SRBD1: variants seen among roughly 807,000 people sequenced by gnomAD.
SRBD1 encodes the protein S1 RNA binding domain 1.
SRBD1 carries 88 observed loss-of-function variants against 115.3 expected under a neutral mutation model. That is an observed-to-expected ratio of 0.76 (90% CI 0.64 to 0.91). The LOEUF (loss-of-function observed/expected upper bound fraction) is 0.91, where lower values mean the gene tolerates loss of function less well. SRBD1 is among the 40% of genes least tolerant of loss of function. The pLI is 0.00. For missense variants in SRBD1, 1,385 were observed against 1,177.4 expected (o/e 1.18, Z -2.58); for synonymous variants, 509 against 407.7 (o/e 1.25, Z -2.99).
At chr2:45,422,229 T>G (rs1329251200) in intron 16 of SRBD1, among the ~76,000 whole-genome samples, 2 of 152,174 alleles carry the variant, frequency 1.3e-5, no homozygotes. Flanking sequence ...GCTAAATGAG[T>G]AAGCGACAGT....
chr2:45,593,415 G>A (rs1037111160), intron 4 of SRBD1, among the ~76,000 whole-genome samples: 2 of 152,130 alleles, frequency 1.3e-5, no homozygotes, highest in African/African-American at 2.4e-5. Context: ...AATGAATTAT[G>A]GGGGGCGGTT....
At chr2:45,477,362 C>G (rs1669834439) in intron 15 of SRBD1, among the ~76,000 whole-genome samples, 1 of 152,178 alleles carries the variant, frequency 6.6e-6, no homozygotes, top group Non-Finnish European at 1.5e-5. Flanking sequence ...ACTCCCTATA[C>G]TTACATGATT....
chr2:45,407,448 G>T (rs892309186), intron 19 of SRBD1, among the ~76,000 whole-genome samples: 2 of 152,070 alleles, frequency 1.3e-5, no homozygotes, highest in Admixed American at 1.3e-4. Context: ...TTCACAAAGG[G>T]TACTTTCTAA....
intron 14 of SRBD1, among the ~76,000 whole-genome samples, chr2:45,494,084 T>C (rs1313183934): frequency 2.6e-5 from 4 of 151,450 alleles, no homozygotes; most frequent in Non-Finnish European, 4.4e-5. Context: ...TGGAAAAAAA[T>C]GCCTATCATT....
intron 14 of SRBD1, among the ~76,000 whole-genome samples, chr2:45,531,664 G>C (rs1045699771): frequency 6.7e-6 from 1 of 148,696 alleles, no homozygotes; most frequent in Non-Finnish European, 1.5e-5. Context: ...AAACAAAGAA[G>C]TAACCAGGGT....
chr2:45,573,541 C>T (rs1385699084), intron 8 of SRBD1, among the ~76,000 whole-genome samples, 199 bp from the exon 9 acceptor site: 1 of 152,086 alleles, frequency 6.6e-6, no homozygotes, highest in Non-Finnish European at 1.5e-5. Context: ...TCCTCCAGAT[C>T]TATTTATATA....
chr2:45,444,272 T>G (rs1558399059), intron 16 of SRBD1, among the ~76,000 whole-genome samples: 2 of 152,104 alleles, frequency 1.3e-5, no homozygotes. Context: ...CTGGGTGTGG[T>G]GGTGCACCTG....
At position 45,393,031 on chromosome 2, in the gene SRBD1, A is replaced by C; in HGVS notation, c.2612T>G (p.Ile871Ser). The C allele has an allele frequency of 6.2e-7, 1 of 1,614,002 alleles. No homozygotes were observed. The highest frequency in any genetic ancestry group is 8.5e-7 in the Non-Finnish European group (1 of 1,179,954). Residue 871 changes from isoleucine to serine, a missense_variant, in exon 20 of 21, where the codon ATT becomes AGT. Physicochemically the swap from Ile to Ser is moderately radical, Grantham distance 142. Coordinates refer to ENST00000263736, the MANE Select transcript of SRBD1 (RefSeq NM_018079.5). ...SFLEKEGMEK[I>S]AERLQTTVHT... is the part of the protein sequence containing the mutation. ...TACTGTTGTTTGCAATCTTTCTGCA[A>C]TTTTCTCCATTCCTTCCTTTTCAAG...
chr2:45,573,238 G>C lies in SRBD1; in HGVS notation c.1274C>G (p.Ser425Cys). 6.2e-7 allele frequency: 1 copy of C among 1,609,916 alleles called. No individual in the cohort carries two copies. Among genetic ancestry groups the C allele is most frequent in the Middle Eastern group, 1.7e-4 (1 of 6,042 alleles). Reference protein sequence around the residue: ...VDKFLLYQHFSCNIRNIHHHQ... With the variant: ...VDKFLLYQHFCCNIRNIHHHQ... ...ATGGTGAATGTTTCTTATGTTGCAGGAAAAATGCTGGTAGAGCAGAAACTT... is the reference window on the plus strand; with the variant it reads ...ATGGTGAATGTTTCTTATGTTGCAGCAAAAATGCTGGTAGAGCAGAAACTT... Residue 425 changes from serine to cysteine, a missense_variant, in exon 9 of 21, where the codon TCC becomes TGC. By Grantham distance (112) the Ser-to-Cys change is moderately radical (BLOSUM62 -1). Transcript: ENST00000263736.
intron 4 of SRBD1, among the ~76,000 whole-genome samples, chr2:45,593,753 C>T (rs79064182): frequency 6.6e-6 from 1 of 152,196 alleles, no homozygotes; most frequent in Non-Finnish European, 1.5e-5. Context: ...TTGATTTCTG[C>T]TGTTCTCCTT....
intron 16 of SRBD1, among the ~76,000 whole-genome samples, chr2:45,433,359 C>G (rs915182519): frequency 1.3e-5 from 2 of 151,796 alleles, no homozygotes; most frequent in Non-Finnish European, 2.9e-5. Context: ...GTATGTGCAC[C>G]TCAAAACGTC....
intron 19 of SRBD1, among the ~76,000 whole-genome samples, chr2:45,411,481 T>C (rs1179334490): frequency 6.6e-6 from 1 of 152,050 alleles, no homozygotes; most frequent in Non-Finnish European, 1.5e-5. Flanking sequence ...TGAGTACAAT[T>C]GTATGGTAGA....
At chr2:45,521,612 AAAAT>A (rs1190069753) in intron 14 of SRBD1, among the ~76,000 whole-genome samples, 6 of 152,200 alleles carry the variant, frequency 3.9e-5, no homozygotes, top group Non-Finnish European at 8.8e-5. Flanking sequence ...CTCAAAAATC[AAAAT>A]ATACAATTTG....
intron 7 of SRBD1, 126 bp downstream of exon 7, chr2:45,579,748 TA>T (rs1363155333): frequency 8.9e-7 from 1 of 1,124,896 alleles, no homozygotes; most frequent in East Asian, 3.0e-5. Context: ...TTATTTCAAT[TA>T]TTCTACATAC....
intron 14 of SRBD1, among the ~76,000 whole-genome samples, chr2:45,543,994 T>A (rs1425543384): frequency 6.6e-6 from 1 of 152,090 alleles, no homozygotes; most frequent in African/African-American, 2.4e-5. Context: ...AAATGCCTAA[T>A]AGAGACTATA....
chr2:45,540,290 G>A (rs547620776), intron 14 of SRBD1, among the ~76,000 whole-genome samples: 13 of 151,430 alleles, frequency 8.6e-5, no homozygotes, highest in Non-Finnish European at 1.6e-4. Context: ...GCAGTGAGCT[G>A]AGATTGTGCT....
rs1271314723 is a variant in SRBD1, at chr2:45,418,353, A to G, written c.2333+12T>C. On this transcript the variant is annotated intron_variant, in intron 18 of 20. Coordinates refer to ENST00000263736, the MANE Select transcript of SRBD1 (RefSeq NM_018079.5). ...GGTTGACAATAGAATCAAAGTGTAT[A>G]CTTATACTCACCTGCAAAACGTTCG... 4 of 1,612,724 alleles carry G rather than the reference A, an allele frequency of 2.5e-6. No homozygotes were observed. The highest frequency in any genetic ancestry group is 3.4e-6 in the Non-Finnish European group (4 of 1,179,436).
chr2:45,473,218 T>C lies in SRBD1; in HGVS notation c.2049+3775A>G, dbSNP rs1036052172. Among the ~76,000 whole-genome samples the C allele has an allele frequency of 3.3e-5, 5 of 152,248 alleles. No homozygotes were observed. The South Asian group carries it at 1.0e-3, about 32-fold the overall frequency. ...ATATCTTATTGGTGGTTGTTCTTCA[T>C]ATGTTTCAGGTTATATTTTTAATCA... On this transcript the variant is annotated intron_variant, in intron 16 of 20. Transcript: ENST00000263736.
chr2:45,507,783 CT>C (rs1670841554), intron 14 of SRBD1, among the ~76,000 whole-genome samples: 1 of 152,002 alleles, frequency 6.6e-6, no homozygotes, highest in Admixed American at 6.6e-5. Context: ...TCAGTCAATT[CT>C]CCCTTAAAGC....
Sources: gnomAD v4.1 joint callset for allele counts (sites outside exome capture counted in the v4.1 genomes callset) on GRCh38, gnomAD v4.1.1 for gene constraint, MANE v1.5 for transcripts, NCBI Gene and HGNC (gene_info 2026-07-23, HGNC 2026-07-21) for gene names.